The following TENM3 variants were observed in gnomAD, a reference collection of about 807,000 sequenced individuals.
TENM3 encodes teneurin-3.
In TENM3, 63 loss-of-function variants were observed where a neutral mutation model predicts 255.1. The observed-to-expected ratio is 0.25, with a 90% confidence interval of 0.20 to 0.30. TENM3 has a LOEUF of 0.30. TENM3 is among the 10% of genes least tolerant of loss of function. The pLI, the probability that TENM3 is intolerant of heterozygous loss-of-function variation, is 1.00. For synonymous variants in TENM3, 1,306 were observed against 1,322.3 expected (o/e 0.99, Z 0.27); for missense variants, 2,929 against 3,461.1 (o/e 0.85, Z 3.86).
the TENM3 span, among the ~76,000 whole-genome samples, chr4:182,036,347 T>C: frequency 6.6e-6 from 1 of 152,062 alleles, no homozygotes; most frequent in Non-Finnish European, 1.5e-5. Flanking sequence ...CCCGCCACCA[T>C]GCCCGGCTAA....
At chr4:182,136,456 C>T in the TENM3 span, among the ~76,000 whole-genome samples, 8 of 152,088 alleles carry the variant, frequency 5.3e-5, no homozygotes, top group Non-Finnish European at 8.8e-5. Flanking sequence ...AACTGAATTT[C>T]TTGCAGGGTC....
the TENM3 span, among the ~76,000 whole-genome samples, chr4:182,088,556 C>A: frequency 6.6e-6 from 1 of 152,126 alleles, no homozygotes. Flanking sequence ...AAAGCACAAT[C>A]TTTAATTTTT....
At chr4:182,004,094 CT>C in the TENM3 span, among the ~76,000 whole-genome samples, 1 of 151,502 alleles carries the variant, frequency 6.6e-6, no homozygotes, top group Non-Finnish European at 1.5e-5. Flanking sequence ...TTTATTTCTT[CT>C]AAAAAAACAA....
At chr4:181,520,275 C>T in the TENM3 span, among the ~76,000 whole-genome samples, 9 of 152,278 alleles carry the variant, frequency 5.9e-5, no homozygotes, top group East Asian at 9.7e-4. Flanking sequence ...CGTGGGAAGC[C>T]GTGCCGCCCT....
the TENM3 span, among the ~76,000 whole-genome samples, chr4:182,065,444 C>T: frequency 6.8e-4 from 104 of 152,280 alleles, 1 homozygote; most frequent in African/African-American, 2.4e-3. Flanking sequence ...CGGCAGAAGG[C>T]CAAGGGGGAG....
chr4:181,945,203 G>A, the TENM3 span, among the ~76,000 whole-genome samples: 1 of 152,032 alleles, frequency 6.6e-6, no homozygotes, highest in Non-Finnish European at 1.5e-5. Context: ...ACAGACGGCA[G>A]CAACTTAAAA....
At chr4:182,582,795 C>G (rs1284754938) in intron 3 of TENM3, among the ~76,000 whole-genome samples, 1 of 152,110 alleles carries the variant, frequency 6.6e-6, no homozygotes, top group Non-Finnish European at 1.5e-5. Flanking sequence ...TATTGCCATT[C>G]CTTCAGTGAA....
At chr4:182,249,379 A>T (rs1209686866) in intron 1 of TENM3, among the ~76,000 whole-genome samples, 1 of 152,230 alleles carries the variant, frequency 6.6e-6, no homozygotes, top group African/African-American at 2.4e-5. Context: ...ATGACTTACA[A>T]CAAAGGTCTA....
the TENM3 span, among the ~76,000 whole-genome samples, chr4:181,537,712 C>T: frequency 2.0e-5 from 3 of 152,312 alleles, no homozygotes; most frequent in African/African-American, 7.2e-5. Context: ...CTAAGCAATT[C>T]CTCAAGGTCA....
intron 3 of TENM3, among the ~76,000 whole-genome samples, chr4:182,558,561 A>G (rs556069659): frequency 5.9e-5 from 9 of 152,302 alleles, no homozygotes; most frequent in African/African-American, 2.2e-4. Flanking sequence ...AAGAGGAAGT[A>G]GATTGGGGAT....
the TENM3 span, among the ~76,000 whole-genome samples, chr4:181,526,869 C>T: frequency 6.6e-6 from 1 of 152,206 alleles, no homozygotes; most frequent in Non-Finnish European, 1.5e-5. Flanking sequence ...CAGTCTCTGA[C>T]TCAATTTGTC....
In TENM3 at chr4:182,673,138, T is replaced by C. The variant is rs1198637214; in HGVS notation, c.1245T>C (p.Phe415=). The change falls in exon 7 of 28, where the codon TTT becomes TTC. Residue 415 remains phenylalanine, a synonymous_variant. Coordinates refer to ENST00000511685, the MANE Select transcript of TENM3 (RefSeq NM_001080477.4). ...AGCTCTTCATTGATCAGCCACAGTT[T>C]CTTAAATTCAATATCTCTCTTCAGA... ...RSQLFIDQPQ[F]LKFNISLQKD... 1.2e-6 allele frequency: 2 copies of C among 1,613,874 alleles called. No homozygotes were observed.
intron 1 of TENM3, among the ~76,000 whole-genome samples, chr4:182,208,510 TATA>T (rs1754736927): frequency 6.6e-6 from 1 of 152,202 alleles, no homozygotes; most frequent in Non-Finnish European, 1.5e-5. Context: ...AAAATTTTAA[TATA>T]GTAGTAATGA....
intron 11 of TENM3, 108 bp from the exon 12 acceptor site, chr4:182,688,058 G>A (rs978720028): frequency 1.1e-5 from 11 of 1,038,882 alleles, no homozygotes; most frequent in Non-Finnish European, 1.5e-5. Context: ...GGATGATTTT[G>A]TGTTTCCCTT....
At chr4:182,767,649 A>G (rs1763832715) in intron 22 of TENM3, among the ~76,000 whole-genome samples, 1 of 152,160 alleles carries the variant, frequency 6.6e-6, no homozygotes, top group Non-Finnish European at 1.5e-5. Context: ...ATATATACAC[A>G]TCACACACAT....
chr4:182,673,226 C>T lies in TENM3; in HGVS notation c.1326+7C>T, dbSNP rs370792333. ...ACCGCCTTCCCATACTCAGGTAAGA[C>T]TAGGCTTTCTTATCAATAAAATAAA... On this transcript the variant is annotated splice_region_variant and intron_variant, in intron 7 of 27. Coordinates refer to ENST00000511685, the MANE Select transcript of TENM3 (RefSeq NM_001080477.4). 229 of 1,562,648 alleles carry T rather than the reference C, an allele frequency of 1.5e-4. No homozygotes were observed. Among genetic ancestry groups the T allele is most frequent in the Non-Finnish European group, 1.9e-4 (215 of 1,145,866 alleles).
intron 4 of TENM3, among the ~76,000 whole-genome samples, chr4:182,624,565 C>A (rs1750645577): frequency 6.6e-6 from 1 of 152,160 alleles, no homozygotes; most frequent in Non-Finnish European, 1.5e-5. Flanking sequence ...TCTGCTGTTA[C>A]CAGCTCCCCT....
At position 182,670,727 on chromosome 4, in the gene TENM3, C is replaced by T. The variant is rs142725850; in HGVS notation, c.1112-2278C>T. 5.7e-4 allele frequency among the ~76,000 whole-genome samples: 87 copies of T among 152,206 alleles called. No homozygotes were observed. The Middle Eastern group carries it at 0.01, about 18-fold the overall frequency. ...GTAAGTGTGAATTTTTTGTGAATTG[C>T]TTCAGATCCTATAGGCCATAAACTG... On this transcript the variant is annotated intron_variant, in intron 6 of 27. Transcript: ENST00000511685.
the TENM3 span, among the ~76,000 whole-genome samples, chr4:181,973,846 G>A: frequency 6.6e-6 from 1 of 152,170 alleles, no homozygotes; most frequent in African/African-American, 2.4e-5. Flanking sequence ...TTAAGCAAAG[G>A]CTTGAAGGAG....
Sources: gnomAD v4.1 joint callset for allele counts (sites outside exome capture counted in the v4.1 genomes callset) on GRCh38, gnomAD v4.1.1 for gene constraint, MANE v1.5 for transcripts, NCBI Gene and HGNC (gene_info 2026-07-23, HGNC 2026-07-21) for gene names.